Variants in ANKFY1 observed in about 807,000 individuals in gnomAD.
ANKFY1 encodes the protein ankyrin repeat and FYVE domain-containing protein 1.
In ANKFY1, 47 loss-of-function variants were observed where a neutral mutation model predicts 128.3. The observed-to-expected ratio is 0.37, with a 90% CI of 0.29 to 0.47. ANKFY1 has a LOEUF of 0.47. Ranked by LOEUF, ANKFY1 falls within the 20% of genes least tolerant of loss-of-function variation. The pLI, the probability that ANKFY1 is intolerant of heterozygous loss-of-function variation, is 1.00. For missense variants in ANKFY1, 1,222 were observed against 1,510.6 expected (o/e 0.81, Z 3.17); for synonymous variants, 553 against 601.6 (o/e 0.92, Z 1.18).
At chr17:4,173,279 G>A in intron 21 of ANKFY1, 75 bp downstream of exon 21, 1 of 1,434,922 alleles carries the variant, frequency 7.0e-7, no homozygotes, top group Non-Finnish European at 9.8e-7. Context: ...TGGGGCTGAT[G>A]GGAGGCACCA....
At position 4,179,075 on chromosome 17, in the gene ANKFY1, G is replaced by C; in HGVS notation, c.2398-18C>G. On this transcript the variant is annotated intron_variant, in intron 17 of 24. Transcript: ENST00000341657. ...TCTGCATCCTATGGAACAAGGCACA[G>C]AATTTAATGTTCAATTGCAAGATAA... 6.2e-7 allele frequency: 1 copy of C among 1,612,500 alleles called. No homozygotes were observed. Among genetic ancestry groups the C allele is most frequent in the Non-Finnish European group, 8.5e-7 (1 of 1,178,828 alleles).
chr17:4,247,524 C>A (rs1019876260), intron 1 of ANKFY1, among the ~76,000 whole-genome samples: 5 of 152,168 alleles, frequency 3.3e-5, no homozygotes, highest in African/African-American at 7.2e-5. Context: ...TGCACTCAGG[C>A]AGCTTATGAG....
chr17:4,206,277 A>G, intron 7 of ANKFY1, 44 bp downstream of exon 7: 1 of 1,592,182 alleles, frequency 6.3e-7, no homozygotes, highest in Non-Finnish European at 8.6e-7. Flanking sequence ...TTACTCGGAT[A>G]AAAATAAAAT....
chr17:4,232,636 C>T (rs1025960243), intron 3 of ANKFY1, among the ~76,000 whole-genome samples: 13 of 152,140 alleles, frequency 8.5e-5, no homozygotes, highest in African/African-American at 2.9e-4. Flanking sequence ...AGTCTAGAGA[C>T]ATTTAAAGAC....
intron 1 of ANKFY1, among the ~76,000 whole-genome samples, chr17:4,246,435 T>C (rs1200620652): frequency 6.6e-6 from 1 of 152,110 alleles, no homozygotes; most frequent in Non-Finnish European, 1.5e-5. Context: ...AGCCTCGCCC[T>C]CTCCTCCAAG....
intron 8 of ANKFY1, 118 bp from the exon 9 acceptor site, chr17:4,195,589 A>G (rs1482260647): frequency 3.9e-6 from 3 of 779,174 alleles, no homozygotes; most frequent in Non-Finnish European, 6.6e-6. Flanking sequence ...CCACATTTCT[A>G]CAAGGCTTCT....
chr17:4,241,200 G>A (rs1967192411), intron 2 of ANKFY1, among the ~76,000 whole-genome samples: 1 of 151,444 alleles, frequency 6.6e-6, no homozygotes, highest in South Asian at 2.1e-4. Flanking sequence ...GATAGATCAG[G>A]AACCTGAGGT....
At position 4,220,787 on chromosome 17, in the gene ANKFY1, A is replaced by C. The variant is rs184901292; in HGVS notation, c.323-3669T>G. On this transcript the variant is annotated intron_variant, in intron 3 of 24. Coordinates refer to ENST00000341657, the MANE Select transcript of ANKFY1 (RefSeq NM_001330063.2). ...AGGACAGTGTGTGCTGCAACTGGGT[A>C]CTTGTGGGTAAATCGTCCACACTGT... Among the ~76,000 whole-genome samples the C allele has an allele frequency of 3.3e-3, 503 of 152,324 alleles. 12 individuals are homozygous for C. Among genetic ancestry groups the C allele is most frequent in the Non-Finnish European group, 1.2e-3 (83 of 68,032 alleles).
At chr17:4,222,214 G>A (rs567841092) in intron 3 of ANKFY1, 10 of 235,710 alleles carry the variant, frequency 4.2e-5, no homozygotes, top group African/African-American at 2.4e-4. Flanking sequence ...TGGCGCCGCC[G>A]CCCCCGCCGC....
intron 7 of ANKFY1, among the ~76,000 whole-genome samples, chr17:4,198,666 C>G (rs1049597722): frequency 6.6e-6 from 1 of 152,076 alleles, no homozygotes; most frequent in East Asian, 1.9e-4. Flanking sequence ...GCCACCGTGC[C>G]CGGCCTCTTT....
At position 4,173,402 on chromosome 17, in the gene ANKFY1, C is replaced by T. The variant is rs760267257; in HGVS notation, c.2966G>A (p.Arg989Gln). The change falls in exon 21 of 25, where the codon CGG (arginine) becomes CAG (glutamine). Residue 989 changes from arginine (R) to glutamine (Q), a missense_variant. By Grantham distance (43) the Arg-to-Gln change is conservative. Transcript: ENST00000341657. ...AVMHGRLNNIRVLLTECTVDA... is the reference protein window; with the variant it reads ...AVMHGRLNNIQVLLTECTVDA... Reference sequence around the variant, plus strand: ...CACTGTGCACTCTGTCAGGAGAACCCGGATGTTGTTGAGCCGGCCGTGCAT... The same window carrying T: ...CACTGTGCACTCTGTCAGGAGAACCTGGATGTTGTTGAGCCGGCCGTGCAT... 6 of 1,614,148 alleles carry T rather than the reference C, an allele frequency of 3.7e-6. No individual in the cohort carries two copies. The highest frequency in any genetic ancestry group is 2.2e-5 in the East Asian group (1 of 44,880).
In ANKFY1 at chr17:4,181,279, G is replaced by A. The variant is rs1201814863; in HGVS notation, c.2215C>T (p.Pro739Ser). The change falls in exon 16 of 25, where the codon CCC becomes TCC. Residue 739 changes from proline to serine, a missense_variant. Physicochemically the swap from Pro to Ser is moderately conservative, Grantham distance 74. Coordinates refer to ENST00000341657, the MANE Select transcript of ANKFY1 (RefSeq NM_001330063.2). This position sits in a 1 kb window ranked among gnomAD's most constrained non-coding sequence, Gnocchi z 4.9. ...LHRAIDENNE[P>S]TACFLIRSGC... is the part of the protein sequence containing the mutation. The stretch of plus-strand genomic sequence containing the variant: ...CTGCGAATAAGAAAGCAGGCGGTGG[G>A]CTCGTTGTTTTCATCAATGGCTCTG... 3 of 1,613,908 alleles carry A rather than the reference G, an allele frequency of 1.9e-6. No homozygotes were observed. Among genetic ancestry groups the A allele is most frequent in the Non-Finnish European group, 2.5e-6 (3 of 1,179,916 alleles).
At position 4,189,080 on chromosome 17, in the gene ANKFY1, G is replaced by C. The variant is rs569254715; in HGVS notation, c.1470+302C>G. ...TCAAGAATCAAATGCTATCGCGGTAGGTTTGTGCACGCGTTTGCTAACCTC... is the reference window on the plus strand; with the variant it reads ...TCAAGAATCAAATGCTATCGCGGTACGTTTGTGCACGCGTTTGCTAACCTC... On this transcript the variant is annotated intron_variant, in intron 11 of 24. Coordinates refer to ENST00000341657, the MANE Select transcript of ANKFY1 (RefSeq NM_001330063.2). Among the ~76,000 whole-genome samples, 3 of 152,254 alleles carry C rather than the reference G, an allele frequency of 2.0e-5. No individual in the cohort carries two copies. The South Asian group carries it at 6.2e-4, about 32-fold the overall frequency.
intron 4 of ANKFY1, among the ~76,000 whole-genome samples, chr17:4,211,500 G>C (rs1598084568): frequency 6.6e-6 from 1 of 151,538 alleles, no homozygotes; most frequent in African/African-American, 2.4e-5. Flanking sequence ...CACCAAAATA[G>C]AGAAAAACTG....
rs147654865 is a variant in ANKFY1 at position 4,260,094 on chromosome 17, C to T, written c.10+3838G>A. Among the ~76,000 whole-genome samples the T allele has an allele frequency of 3.5e-4, 53 of 152,152 alleles. No homozygotes were observed. In the East Asian group the frequency reaches 9.5e-3, roughly 27 times the overall value. ...CTCGAAGTGTTAAGTGGGGCCCACACCCTGTTAATACTTAACAGAGAACTG... is the reference window on the plus strand; with the variant it reads ...CTCGAAGTGTTAAGTGGGGCCCACATCCTGTTAATACTTAACAGAGAACTG... On this transcript the variant is annotated intron_variant, in intron 1 of 24. Coordinates refer to ENST00000341657, the MANE Select transcript of ANKFY1 (RefSeq NM_001330063.2).
intron 1 of ANKFY1, among the ~76,000 whole-genome samples, chr17:4,254,303 C>CAAAAA (rs572606909): frequency 2.1e-4 from 17 of 81,928 alleles, no homozygotes; most frequent in East Asian, 2.0e-3. Flanking sequence ...GACTCCATCT[C>CAAAAA]AAAAAAAAAA....
intron 4 of ANKFY1, among the ~76,000 whole-genome samples, chr17:4,211,922 AC>A (rs141813325): frequency 0.86 from 125,012 of 145,360 alleles, 55,371 homozygotes; most frequent in South Asian, 0.99. Context: ...AAACAAACAA[AC>A]AAAAAACATC....
rs367621218 is a variant in ANKFY1, at chr17:4,181,280, C to T, written c.2214G>A (p.Glu738=). The change falls in exon 16 of 25, where the codon GAG becomes GAA. Residue 738 remains glutamate (E), a synonymous_variant. Transcript: ENST00000341657. The surrounding 1 kb of genome is among the most constrained non-coding windows in gnomAD (Gnocchi z 4.9). The part of the protein sequence containing the change: ...LLHRAIDENN[E]PTACFLIRSG... ...TGCGAATAAGAAAGCAGGCGGTGGG[C>T]TCGTTGTTTTCATCAATGGCTCTGT... The T allele has an allele frequency of 4.3e-6, 7 of 1,613,936 alleles. No individual in the cohort carries two copies. Among genetic ancestry groups the T allele is most frequent in the Non-Finnish European group, 5.9e-6 (7 of 1,179,932 alleles).
At chr17:4,191,382 G>T (rs1317599953) in intron 10 of ANKFY1, 2 of 151,980 alleles carry the variant, frequency 1.3e-5, no homozygotes, top group Admixed American at 6.6e-5. Flanking sequence ...ACTCCTAGTT[G>T]ATGGTTAATC....
Sources: allele counts gnomAD v4.1 joint callset (sites outside exome capture counted in the v4.1 genomes callset), GRCh38; gene constraint gnomAD v4.1.1; non-coding constraint Gnocchi (gnomAD v3.1); transcripts MANE v1.5; gene names NCBI Gene and HGNC (gene_info 2026-07-23, HGNC 2026-07-21).